Variants in HAUS6 observed in about 807,000 individuals in gnomAD.
HAUS6 encodes the protein HAUS augmin like complex subunit 6, also known as HAUS augmin-like complex subunit 6.
A neutral mutation model predicts 106.8 loss-of-function variants in HAUS6; 80 were observed. That is an observed-to-expected ratio of 0.75 (90% CI 0.63 to 0.90). The LOEUF (loss-of-function observed/expected upper bound fraction) is 0.90, where lower values mean the gene tolerates loss of function less well. Ranked by LOEUF, HAUS6 falls within the 40% of genes least tolerant of loss-of-function variation. The probability of loss-of-function intolerance (pLI) is 0.00; values close to 1 mark genes in which losing one functional copy is unlikely to be tolerated. For synonymous variants in HAUS6, 356 were observed against 379.1 expected, an observed-to-expected ratio of 0.94 and a Z score of 0.71; for missense variants, 1,155 against 1,118.1, an observed-to-expected ratio of 1.03 and a Z score of -0.47.
At chr9:19,090,526 G>A (rs1025178665) in intron 4 of HAUS6, among the ~76,000 whole-genome samples, 9 of 152,008 alleles carry the variant, frequency 5.9e-5, no homozygotes, top group Non-Finnish European at 8.8e-5. Flanking sequence ...CACCACGCCC[G>A]GCTAATTTTT....
chr9:19,076,353 C>G (rs1401362509), intron 11 of HAUS6, among the ~76,000 whole-genome samples: 1 of 148,882 alleles, frequency 6.7e-6, no homozygotes, highest in Non-Finnish European at 1.5e-5. Context: ...GACCCTGTCT[C>G]AAAAAAAAAT....
At position 19,089,494 on chromosome 9, in the gene HAUS6, T is replaced by G; in HGVS notation, c.502A>C (p.Arg168=). Residue 168 remains arginine, a synonymous_variant, in exon 5 of 17, where the codon AGA becomes CGA. Transcript: ENST00000380502. ...KPQDLHKCIA[R]CHFARSRFLQ... ...AATCTGCTACGTGCGAAATGGCATC[T>G]GGCAATGCATTTGTGCAAGTCCTGT... The G allele has an allele frequency of 1.9e-6, 3 of 1,608,370 alleles. No individual in the cohort carries two copies. The highest frequency in any genetic ancestry group is 2.6e-6 in the Non-Finnish European group (3 of 1,174,758).
At chr9:19,094,213 G>C (rs1817812686) in intron 3 of HAUS6, 104 bp downstream of exon 3, 9 of 654,496 alleles carry the variant, frequency 1.4e-5, no homozygotes, top group Non-Finnish European at 2.4e-5. Context: ...TGCTTATACT[G>C]ATAGCATTAA....
At chr9:19,100,974 T>C (rs144078319) in intron 1 of HAUS6, among the ~76,000 whole-genome samples, 12 of 152,288 alleles carry the variant, frequency 7.9e-5, no homozygotes, top group Non-Finnish European at 1.0e-4. Flanking sequence ...AGTTGATTAA[T>C]GGGTACAAAT....
intron 4 of HAUS6, among the ~76,000 whole-genome samples, chr9:19,092,280 A>C (rs1817767040): frequency 7.2e-6 from 1 of 139,672 alleles, no homozygotes; most frequent in Admixed American, 7.6e-5. Context: ...AATATGGTGT[A>C]ACCCTGGTAT....
intron 7 of HAUS6, among the ~76,000 whole-genome samples, chr9:19,086,319 G>A (rs1182856686): frequency 7.6e-6 from 1 of 132,012 alleles, no homozygotes; most frequent in African/African-American, 3.0e-5. Flanking sequence ...AAGGGGGAGG[G>A]GAGGGGGAAG....
rs539120068 is a variant in HAUS6 at position 19,098,746 on chromosome 9, G to C, written c.129-1977C>G. 2.0e-4 allele frequency among the ~76,000 whole-genome samples: 31 copies of C among 152,200 alleles called. No homozygotes were observed. In the South Asian group the frequency reaches 6.0e-3, roughly 29 times the overall value. ...TTAACATTTAAAAAAAGTGGAGCCGGGCCCGGTGGCTCACGCCTGTAATCC... is the reference window on the plus strand; with the variant it reads ...TTAACATTTAAAAAAAGTGGAGCCGCGCCCGGTGGCTCACGCCTGTAATCC... On this transcript the variant is annotated intron_variant, in intron 1 of 16. Coordinates refer to ENST00000380502, the MANE Select transcript of HAUS6 (RefSeq NM_017645.5).
chr9:19,087,895 C>T (rs374996247), intron 5 of HAUS6, among the ~76,000 whole-genome samples: 84 of 137,944 alleles, frequency 6.1e-4, no homozygotes, highest in African/African-American at 2.1e-3. Flanking sequence ...CAATTATATA[C>T]AACCTATTCT....
At chr9:19,060,402 C>A (rs1187969214) in intron 14 of HAUS6, among the ~76,000 whole-genome samples, 179 bp from the exon 15 acceptor site, 1 of 152,282 alleles carries the variant, frequency 6.6e-6, no homozygotes, top group African/African-American at 2.4e-5. Flanking sequence ...CAGGTACAAT[C>A]CTGTAAAGTG....
intron 11 of HAUS6, among the ~76,000 whole-genome samples, chr9:19,072,322 G>A (rs1468969397): frequency 6.6e-6 from 1 of 152,074 alleles, no homozygotes; most frequent in South Asian, 2.1e-4. Context: ...AGACCAACCT[G>A]TTCAACATGG....
intron 1 of HAUS6, among the ~76,000 whole-genome samples, chr9:19,100,094 C>G (rs888271845): frequency 6.6e-6 from 1 of 152,206 alleles, no homozygotes; most frequent in Admixed American, 6.5e-5. Context: ...ACTCAGGAGG[C>G]TGAGGCAGAG....
Position 19,054,072 on chromosome 9 carries a change from G to C in HAUS6, c.*2271C>G, listed in dbSNP as rs1449130512. The C allele has an allele frequency of 2.0e-5, 3 of 152,192 alleles. No individual in the cohort carries two copies. The highest frequency in any genetic ancestry group is 4.4e-5 in the Non-Finnish European group (3 of 68,028). The allele number at this position is 152,192 out of a possible 1,614,324, so 9.4% of individuals were successfully genotyped here. ...AAGCGTGGATTAAGACTTCAAGACG[G>C]AAGTGAGATTTTTTTCTGAGGCTTA... On this transcript the variant is annotated 3_prime_UTR_variant, in exon 17 of 17. Transcript: ENST00000380502.
rs941840090 is a variant in HAUS6, at chr9:19,093,233, A to C, written c.374T>G (p.Ile125Ser). 7 of 1,609,550 alleles carry C rather than the reference A, an allele frequency of 4.3e-6. No individual in the cohort carries two copies. The highest frequency in any genetic ancestry group is 5.9e-6 in the Non-Finnish European group (7 of 1,176,868). ...TCTTGCAAAATGATACATCAGATGA[A>C]TAAACTTAGGACCACCAGGAGAAAG... is the stretch of plus-strand genomic sequence containing the variant. ...LFLSPGGPKFIHLMYHFARFV... is the reference protein window; with the variant it reads ...LFLSPGGPKFSHLMYHFARFV... Residue 125 changes from isoleucine to serine, a missense_variant, in exon 4 of 17, where the codon ATT (isoleucine) becomes AGT (serine). Around this residue, in one of 3 missense-constraint regions of HAUS6, gnomAD observed 761 missense variants for 690.0 expected, o/e 1.10. Transcript: ENST00000380502.
intron 12 of HAUS6, among the ~76,000 whole-genome samples, chr9:19,068,258 G>T (rs1836808427): frequency 1.3e-5 from 2 of 152,024 alleles, no homozygotes; most frequent in South Asian, 4.1e-4. Context: ...TTAACACCAG[G>T]TCCTCAGAGA....
At chr9:19,088,704 C>T (rs890402674) in intron 5 of HAUS6, among the ~76,000 whole-genome samples, 3 of 146,922 alleles carry the variant, frequency 2.0e-5, no homozygotes, top group African/African-American at 7.5e-5. Context: ...CCGGTCGCTA[C>T]TATAAATACA....
intron 11 of HAUS6, 135 bp from the exon 12 acceptor site, chr9:19,070,435 CATA>C (rs769273056): frequency 1.6e-6 from 1 of 611,108 alleles, no homozygotes; most frequent in South Asian, 2.1e-5. Context: ...AATAGGAAAA[CATA>C]ATTATTCAAT....
chr9:19,101,180 T>C (rs1464985680), intron 1 of HAUS6, among the ~76,000 whole-genome samples: 1 of 152,230 alleles, frequency 6.6e-6, no homozygotes, highest in African/African-American at 2.4e-5. Flanking sequence ...TATAAGTGTA[T>C]CAAAATATCA....
At chr9:19,093,134 G>C in intron 4 of HAUS6, 37 bp downstream of exon 4, 1 of 1,347,096 alleles carries the variant, frequency 7.4e-7, no homozygotes, top group Admixed American at 2.3e-5. Context: ...AAAAATTTAA[G>C]AATCAAAACA....
chr9:19,070,474 A>G (rs565308142), intron 11 of HAUS6, among the ~76,000 whole-genome samples, 174 bp from the exon 12 acceptor site: 14 of 152,364 alleles, frequency 9.2e-5, no homozygotes, highest in African/African-American at 3.4e-4. Flanking sequence ...GATGAGCAGA[A>G]AAGTAATAGA....
Sources: allele counts gnomAD v4.1 joint callset (sites outside exome capture counted in the v4.1 genomes callset), GRCh38; gene constraint gnomAD v4.1.1; regional missense constraint gnomAD v4.1.1; transcripts MANE v1.5; gene names NCBI Gene and HGNC (gene_info 2026-07-23, HGNC 2026-07-21).